FRAS1: variants seen among roughly 807,000 people sequenced by gnomAD.
The protein encoded by FRAS1 is Fraser extracellular matrix complex subunit 1.
Under a neutral mutation model 435.2 loss-of-function variants are expected in FRAS1, and 290 were observed. That is an observed-to-expected ratio of 0.67 (90% CI 0.61 to 0.73). The LOEUF is 0.73. Among genes scored for constraint, FRAS1 ranks in the 30% least tolerant of loss-of-function variants. The pLI is 0.00. For missense variants in FRAS1, 4,860 were observed against 5,001.5 expected (o/e 0.97, Z 0.85); for synonymous variants, 1,800 against 1,851.0 (o/e 0.97, Z 0.71).
rs550278865 is a variant in FRAS1 at position 78,346,750 on chromosome 4, T to TA, written c.2422+8934dup. 1.4e-4 allele frequency among the ~76,000 whole-genome samples: 21 copies of TA among 152,238 alleles called. No individual in the cohort carries two copies. In the East Asian group the frequency reaches 3.9e-3, roughly 28 times the overall value. ...TTCTCCTCAAATCTTTCTCTTCTAT[T>TA]ACCTCTTTTTCCTTCCTTTGAGAAA... is the stretch of plus-strand genomic sequence containing the variant. On this transcript the variant is annotated intron_variant, in intron 20 of 73. Coordinates refer to ENST00000512123, the MANE Select transcript of FRAS1 (RefSeq NM_025074.7).
chr4:78,364,569 G>A (rs1167921361), intron 22 of FRAS1, among the ~76,000 whole-genome samples: 1 of 152,128 alleles, frequency 6.6e-6, no homozygotes, highest in Non-Finnish European at 1.5e-5. Flanking sequence ...GGACTTGTAT[G>A]GGAGTTACTT....
At chr4:78,360,413 A>G (rs1036668350) in intron 20 of FRAS1, among the ~76,000 whole-genome samples, 1 of 152,160 alleles carries the variant, frequency 6.6e-6, no homozygotes, top group Non-Finnish European at 1.5e-5. Flanking sequence ...TGTAGAGAAA[A>G]GTTTTTAGGA....
chr4:78,140,752 TGTGTGTATATGTATATACG>T (rs1720143347), intron 2 of FRAS1, among the ~76,000 whole-genome samples: 1 of 126,910 alleles, frequency 7.9e-6, no homozygotes, highest in Non-Finnish European at 1.6e-5. Flanking sequence ...TGTATATACG[TGTGTGTATATGTATATACG>T]TGTGTGTATA....
At chr4:78,346,977 T>G (rs1730626692) in intron 20 of FRAS1, among the ~76,000 whole-genome samples, 1 of 152,110 alleles carries the variant, frequency 6.6e-6, no homozygotes, top group Non-Finnish European at 1.5e-5. Context: ...GCTTAAATCT[T>G]CATTTCTATT....
chr4:78,252,922 G>A (rs143680318), intron 5 of FRAS1, among the ~76,000 whole-genome samples: 2 of 152,262 alleles, frequency 1.3e-5, no homozygotes, highest in African/African-American at 2.4e-5. Flanking sequence ...CGCTGTGCAC[G>A]TATTGTCTTG....
intron 9 of FRAS1, among the ~76,000 whole-genome samples, chr4:78,273,564 G>T (rs1726830473): frequency 6.6e-6 from 1 of 152,170 alleles, no homozygotes; most frequent in Admixed American, 6.5e-5. Flanking sequence ...TGCATCTATT[G>T]AGATAATCAT....
chr4:78,410,149 G>A (rs994724993), intron 31 of FRAS1, among the ~76,000 whole-genome samples: 1 of 152,204 alleles, frequency 6.6e-6, no homozygotes, highest in African/African-American at 2.4e-5. Context: ...CCTCAGATCT[G>A]CCTTTGCCTT....
chr4:78,387,349 G>A (rs776834395), intron 28 of FRAS1, 26 bp from the exon 29 acceptor site: 4 of 1,541,810 alleles, frequency 2.6e-6, no homozygotes, highest in Non-Finnish European at 3.5e-6. Flanking sequence ...CCTCTTAACT[G>A]ACTCTTCTTC....
intron 2 of FRAS1, among the ~76,000 whole-genome samples, chr4:78,116,994 C>T (rs1477221928): frequency 2.0e-5 from 3 of 152,208 alleles, no homozygotes; most frequent in Admixed American, 2.0e-4. Context: ...ATGTTTAGTG[C>T]TTCCTTCAGG....
intron 2 of FRAS1, among the ~76,000 whole-genome samples, chr4:78,074,561 T>C (rs1364412008): frequency 1.3e-5 from 2 of 152,268 alleles, no homozygotes; most frequent in Admixed American, 6.5e-5. Flanking sequence ...AACACCCTGC[T>C]TAGCCAGTAG....
At chr4:78,442,472 G>C (rs894151739) in intron 41 of FRAS1, among the ~76,000 whole-genome samples, 5 of 152,240 alleles carry the variant, frequency 3.3e-5, no homozygotes, top group Admixed American at 2.6e-4. Flanking sequence ...GGGCTAGTAG[G>C]AATCACCCTG....
At chr4:78,150,292 G>C (rs555221023) in intron 2 of FRAS1, among the ~76,000 whole-genome samples, 47 of 152,270 alleles carry the variant, frequency 3.1e-4, no homozygotes, top group African/African-American at 1.1e-3. Flanking sequence ...ACTTCTTTTA[G>C]AAGGGGAACC....
chr4:78,086,047 T>C (rs1481522186), intron 2 of FRAS1, among the ~76,000 whole-genome samples: 1 of 152,078 alleles, frequency 6.6e-6, no homozygotes, highest in East Asian at 1.9e-4. Flanking sequence ...TCAGCAAATG[T>C]AAAAGAACAG....
intron 62 of FRAS1, among the ~76,000 whole-genome samples, chr4:78,507,863 T>A (rs1306596457): frequency 6.6e-6 from 1 of 152,168 alleles, no homozygotes; most frequent in Non-Finnish European, 1.5e-5. Flanking sequence ...CATCCCATAA[T>A]GCACAGGGAA....
At chr4:78,509,318 A>G (rs950691566) in intron 63 of FRAS1, among the ~76,000 whole-genome samples, 1 of 152,180 alleles carries the variant, frequency 6.6e-6, no homozygotes, top group African/African-American at 2.4e-5. Context: ...TTGCTTGGCT[A>G]CTTGACAAGG....
chr4:78,329,431 G>T (rs927206603), intron 18 of FRAS1, among the ~76,000 whole-genome samples: 23 of 152,172 alleles, frequency 1.5e-4, no homozygotes, highest in Non-Finnish European at 2.6e-4. Flanking sequence ...GTTATCATGG[G>T]CCTAATTACA....
intron 20 of FRAS1, among the ~76,000 whole-genome samples, chr4:78,362,279 G>T (rs143849567): frequency 3.3e-4 from 50 of 152,320 alleles, no homozygotes; most frequent in African/African-American, 1.2e-3. Context: ...GCTGAGACTG[G>T]TATACTGACT....
chr4:78,365,737 T>TAAA lies in FRAS1; in HGVS notation c.2722+1694_2722+1696dup, dbSNP rs531246410. On this transcript the variant is annotated intron_variant, in intron 22 of 73. Coordinates refer to ENST00000512123, the MANE Select transcript of FRAS1 (RefSeq NM_025074.7). Reference sequence around the variant, plus strand: ...TGGGATATTTGAGTTTCTAGTACATTAAAAAAAAAAAAACAAAAAAAAAAA... The same window carrying TAAA: ...TGGGATATTTGAGTTTCTAGTACATTAAAAAAAAAAAAAAAACAAAAAAAAAAA... Among the ~76,000 whole-genome samples the TAAA allele has an allele frequency of 1.6e-4, 21 of 132,134 alleles. 1 individual carries two copies. Among genetic ancestry groups the TAAA allele is most frequent in the African/African-American group, 3.6e-4 (12 of 33,746 alleles). The allele number at this position is 132,134 out of a possible 152,430, so 86.7% of individuals were successfully genotyped here.
Position 78,375,862 on chromosome 4 carries a change from C to G in FRAS1, c.3275C>G (p.Ser1092Cys). The part of the protein sequence containing the change: ...NCVPGFSVHT[S>C]NETCSGKIHT... ...GTTCCTGGCTTTTCTGTCCACACCT[C>G]TAATGAAACATGTTCTGGTAAGTGC... Residue 1092 changes from serine (S) to cysteine (C), a missense_variant, in exon 26 of 74, where the codon TCT becomes TGT. Ser to Cys is a moderately radical substitution (Grantham distance 112). Coordinates refer to ENST00000512123, the MANE Select transcript of FRAS1 (RefSeq NM_025074.7). 2 of 1,613,836 alleles carry G rather than the reference C, an allele frequency of 1.2e-6. No individual in the cohort carries two copies. The highest frequency in any genetic ancestry group is 1.7e-6 in the Non-Finnish European group (2 of 1,179,824).
Sources: gnomAD v4.1 joint callset for allele counts (sites outside exome capture counted in the v4.1 genomes callset) on GRCh38, gnomAD v4.1.1 for gene constraint, MANE v1.5 for transcripts, NCBI Gene and HGNC (gene_info 2026-07-23, HGNC 2026-07-21) for gene names.